SYNE3: variants seen among roughly 807,000 people sequenced by gnomAD.
SYNE3 encodes the protein spectrin repeat containing nuclear envelope family member 3.
A neutral mutation model predicts 111.2 loss-of-function variants in SYNE3; 100 were observed. That is an observed-to-expected ratio of 0.90 (90% CI 0.77 to 1.06). The LOEUF (loss-of-function observed/expected upper bound fraction) is 1.06. Ranked by LOEUF, SYNE3 falls within the 50% of genes least tolerant of loss-of-function variation. The probability of loss-of-function intolerance (pLI) is 0.00; values close to 1 mark genes in which losing one functional copy is unlikely to be tolerated. For synonymous variants in SYNE3, 547 were observed against 533.9 expected (o/e 1.02, Z -0.34); for missense variants, 1,160 against 1,240.3 (o/e 0.94, Z 0.97).
intron 1 of SYNE3, among the ~76,000 whole-genome samples, chr14:95,494,017 T>A (rs1889969554): frequency 6.6e-6 from 1 of 151,926 alleles, no homozygotes; most frequent in Non-Finnish European, 1.5e-5. Context: ...AGGCGAGAAT[T>A]CAAATCTAAC....
At chr14:95,457,866 A>C (rs1887563846) in intron 4 of SYNE3, among the ~76,000 whole-genome samples, 1 of 152,164 alleles carries the variant, frequency 6.6e-6, no homozygotes, top group Non-Finnish European at 1.5e-5. Context: ...GGAAAGTGCC[A>C]AGATTCAATC....
chr14:95,458,826 A>G (rs1887621807), intron 4 of SYNE3, among the ~76,000 whole-genome samples: 1 of 152,216 alleles, frequency 6.6e-6, no homozygotes, highest in South Asian at 2.1e-4. Context: ...ATCAGAGGAA[A>G]GTTTCCAAAG....
chr14:95,435,264 G>C (rs1411465194), intron 15 of SYNE3, among the ~76,000 whole-genome samples: 1 of 151,994 alleles, frequency 6.6e-6, no homozygotes, highest in African/African-American at 2.4e-5. Context: ...TAAGAAAAAT[G>C]ATAGAGTAGA....
intron 5 of SYNE3, 199 bp from the exon 6 acceptor site, chr14:95,455,923 C>T (rs1887410255): frequency 1.9e-6 from 1 of 535,126 alleles, no homozygotes; most frequent in Admixed American, 3.2e-5. Context: ...CCTATTCCTT[C>T]CCCATAAGTC....
chr14:95,481,873 T>C (rs1227405048), intron 1 of SYNE3, among the ~76,000 whole-genome samples: 5 of 152,250 alleles, frequency 3.3e-5, no homozygotes, highest in African/African-American at 1.2e-4. Flanking sequence ...GAAAGGATAC[T>C]GGCACCTGGC....
At position 95,410,386 on chromosome 14, in the gene SYNE3, T is replaced by C. The variant is rs1400076044; in HGVS notation, c.*7440A>G. ...ATTCTTACTAGAAGAGCCCCCATCTTTTTGGGGCACATGTTCCCAGACTCC... is the reference window on the plus strand; with the variant it reads ...ATTCTTACTAGAAGAGCCCCCATCTCTTTGGGGCACATGTTCCCAGACTCC... On this transcript the variant is annotated 3_prime_UTR_variant, in exon 18 of 18. Transcript: ENST00000682763. The C allele has an allele frequency of 6.6e-6, 1 of 152,196 alleles. No individual in the cohort carries two copies. Among genetic ancestry groups the C allele is most frequent in the Non-Finnish European group, 1.5e-5 (1 of 68,040 alleles). 9.4% of individuals were successfully genotyped at this position (152,196 alleles called of 1,614,324 possible).
At chr14:95,422,771 C>T (rs1192765749) in intron 17 of SYNE3, among the ~76,000 whole-genome samples, 1 of 152,212 alleles carries the variant, frequency 6.6e-6, no homozygotes, top group East Asian at 1.9e-4. Flanking sequence ...CTCATGAAAC[C>T]CTCACTGAGC....
At position 95,417,937 on chromosome 14, in the gene SYNE3, G is replaced by A. The variant is rs149881773; in HGVS notation, c.2817C>T (p.Leu939=). 133 of 1,614,074 alleles carry A rather than the reference G, an allele frequency of 8.2e-5. No individual in the cohort carries two copies. The African/African-American group carries it at 1.5e-3, about 18-fold the overall frequency. ...PLQLLLLLFL[L]LLFLLPIREE... is the part of the protein sequence containing the mutation. ...CCCTGATTGGGAGCAGGAACAGCAGGAGGAGGAACAGCAGCAGAAGCAGCT... is the reference window on the plus strand; with the variant it reads ...CCCTGATTGGGAGCAGGAACAGCAGAAGGAGGAACAGCAGCAGAAGCAGCT... Residue 939 remains leucine, a synonymous_variant, in exon 18 of 18, where the codon CTC becomes CTT. Transcript: ENST00000682763.
chr14:95,428,212 G>A (rs1230090487), intron 17 of SYNE3, among the ~76,000 whole-genome samples: 1 of 152,160 alleles, frequency 6.6e-6, no homozygotes, highest in Non-Finnish European at 1.5e-5. Flanking sequence ...TTCCTCAAGA[G>A]TTTGAACCAC....
At chr14:95,443,405 CGGT>C (rs1886519492) in intron 10 of SYNE3, 116 bp from the exon 11 acceptor site, 1 of 1,329,154 alleles carries the variant, frequency 7.5e-7, no homozygotes, top group Non-Finnish European at 1.0e-6. Flanking sequence ...TTCCCCAAGG[CGGT>C]GGGGCTCTTT....
At chr14:95,444,306 G>A (rs1462768811) in intron 10 of SYNE3, 179 bp downstream of exon 10, 1 of 795,664 alleles carries the variant, frequency 1.3e-6, no homozygotes, top group African/African-American at 1.7e-5. Context: ...TTGAGGTCAG[G>A]AACCATCAGA....
chr14:95,477,511 A>T (rs749553613), intron 1 of SYNE3, among the ~76,000 whole-genome samples: 1 of 152,226 alleles, frequency 6.6e-6, no homozygotes, highest in Non-Finnish European at 1.5e-5. Flanking sequence ...TTCACTCATC[A>T]GTTAGTAAGT....
chr14:95,498,068 G>A (rs973839601), intron 1 of SYNE3, among the ~76,000 whole-genome samples: 1 of 151,464 alleles, frequency 6.6e-6, no homozygotes, highest in African/African-American at 2.4e-5. Context: ...TCATAGAGCA[G>A]TGAAATCATG....
intron 1 of SYNE3, among the ~76,000 whole-genome samples, chr14:95,508,009 G>A (rs1890590953): frequency 6.6e-6 from 1 of 152,234 alleles, no homozygotes; most frequent in Non-Finnish European, 1.5e-5. Flanking sequence ...GGGGGCTGTG[G>A]AGAAAGAGCC....
chr14:95,465,949 T>G lies in SYNE3; in HGVS notation c.609A>C (p.Ala203=). 6.3e-7 allele frequency: 1 copy of G among 1,582,024 alleles called. No individual in the cohort carries two copies. Residue 203 remains alanine (A), a synonymous_variant, in exon 4 of 18, where the codon GCA becomes GCC. Coordinates refer to ENST00000682763, the MANE Select transcript of SYNE3 (RefSeq NM_152592.6). ...CCCTCACCTGGGCCTTGGCCTTCAC[T>G]GCATCGTACTCAGCCTTCATTCTCT... is the stretch of plus-strand genomic sequence containing the variant. ...AQKRMKAEYD[A]VKAKAQKRVD...
rs1238379949 is a variant in SYNE3 at position 95,409,293 on chromosome 14, T to C, written c.*8533A>G. The C allele has an allele frequency of 4.4e-6, 2 of 456,786 alleles. No individual in the cohort carries two copies. Among genetic ancestry groups the C allele is most frequent in the South Asian group, 1.5e-5 (1 of 64,574 alleles). The allele number at this position is 456,786 out of a possible 1,614,324, so 28.3% of individuals were successfully genotyped here. ...ATCATGACTCCATAGCACAGGCTTT[T>C]TGAAAGTGTCATGACCATATTGCAG... is the stretch of plus-strand genomic sequence containing the variant. On this transcript the variant is annotated 3_prime_UTR_variant, in exon 18 of 18. Coordinates refer to ENST00000682763, the MANE Select transcript of SYNE3 (RefSeq NM_152592.6).
At position 95,508,575 on chromosome 14, in the gene SYNE3, G is replaced by A. The variant is rs577721240; in HGVS notation, c.-15+8021C>T. ...ATAAGTGCCACTGCGTGGGCAGGAG[G>A]GTCCCTCTGAGGCCGTGACTGTGAG... On this transcript the variant is annotated intron_variant, in intron 1 of 17. Transcript: ENST00000682763. Among the ~76,000 whole-genome samples the A allele has an allele frequency of 7.2e-5, 11 of 152,364 alleles. No homozygotes were observed. In the South Asian group the frequency reaches 1.5e-3, roughly 20 times the overall value.
At chr14:95,480,189 G>T (rs201844974) in intron 1 of SYNE3, among the ~76,000 whole-genome samples, 1 of 152,230 alleles carries the variant, frequency 6.6e-6, no homozygotes, top group East Asian at 1.9e-4. Context: ...CATCCCTGGG[G>T]TGTGGCTGCA....
rs1254651322 is a variant in SYNE3 at position 95,485,605 on chromosome 14, G to A, written c.-14-9770C>T. Reference sequence around the variant, plus strand: ...TCCCAGGAATGCCGAAATGCTCAGCGTTTTTTTCCCTCTGCCCTCACCAGG... The same window carrying A: ...TCCCAGGAATGCCGAAATGCTCAGCATTTTTTTCCCTCTGCCCTCACCAGG... On this transcript the variant is annotated intron_variant, in intron 1 of 17. Transcript: ENST00000682763. The surrounding 1 kb of genome is among the most constrained non-coding windows in gnomAD (Gnocchi z 4.3). 6.6e-6 allele frequency among the ~76,000 whole-genome samples: 1 copy of A among 152,018 alleles called. No homozygotes were observed. The highest frequency in any genetic ancestry group is 2.1e-4 in the South Asian group (1 of 4,814).
Sources: gnomAD v4.1 joint callset for allele counts (sites outside exome capture counted in the v4.1 genomes callset) on GRCh38, gnomAD v4.1.1 for gene constraint, Gnocchi (gnomAD v3.1) non-coding constraint, MANE v1.5 for transcripts, NCBI Gene and HGNC (gene_info 2026-07-23, HGNC 2026-07-21) for gene names.